Variants in HMMR observed in about 807,000 individuals in gnomAD.
HMMR encodes the protein intracellular hyaluronic acid-binding protein.
A neutral mutation model predicts 101.0 loss-of-function variants in HMMR; 108 were observed. That is an observed-to-expected ratio of 1.07 (90% CI 0.92 to 1.25). The LOEUF is 1.25. HMMR is among the 50% of genes most tolerant of loss of function. HMMR has a pLI of 0.00. For synonymous variants in HMMR, 296 were observed against 276.4 expected (o/e 1.07, Z -0.70); for missense variants, 813 against 788.7 (o/e 1.03, Z -0.37).
intron 1 of HMMR, among the ~76,000 whole-genome samples, chr5:163,461,419 C>A (rs1238356833): frequency 2.6e-5 from 4 of 152,158 alleles, no homozygotes; most frequent in Non-Finnish European, 5.9e-5. Flanking sequence ...AACCCAGCCC[C>A]CATCGTGTGC....
In HMMR at chr5:163,467,713, A is replaced by G. The variant is rs148145643; in HGVS notation, c.238A>G (p.Lys80Glu). ...KSSESKKESQ[K>E]NDKDLKILEK... ...GGCTTTTAAACAGAAGGAATCTCAA[A>G]AGAATGATAAAGATTTGAAGATATT... Residue 80 changes from lysine to glutamate, a missense_variant, in exon 4 of 18, where the codon AAG (lysine) becomes GAG (glutamate). Transcript: ENST00000393915. 3.9e-6 allele frequency: 6 copies of G among 1,532,272 alleles called. No homozygotes were observed. The highest frequency in any genetic ancestry group is 5.4e-6 in the Non-Finnish European group (6 of 1,109,384). 94.9% of individuals were successfully genotyped at this position (1,532,272 alleles called of 1,614,324 possible).
At chr5:163,462,872 G>A (rs10076669) in intron 1 of HMMR, among the ~76,000 whole-genome samples, 12,870 of 146,856 alleles carry the variant, frequency 0.088, 752 homozygotes, top group African/African-American at 0.18. Flanking sequence ...CCTGTCTACT[G>A]TTTGACAAAC....
At position 163,473,231 on chromosome 5, in the gene HMMR, T is replaced by C. The variant is rs759705303; in HGVS notation, c.703T>C (p.Leu235=). 6.3e-7 allele frequency: 1 copy of C among 1,578,290 alleles called. No individual in the cohort carries two copies. Among genetic ancestry groups the C allele is most frequent in the Non-Finnish European group, 8.7e-7 (1 of 1,150,240 alleles). ...IDEKSETEKL[L]EYIEEISCAS... is the part of the protein sequence containing the mutation. Reference sequence around the variant, plus strand: ...TGAAAAATCTGAAACAGAAAAACTCTTGGAATACATCGAAGAAATTAGGTA... The same window carrying C: ...TGAAAAATCTGAAACAGAAAAACTCCTGGAATACATCGAAGAAATTAGGTA... Residue 235 remains leucine, a synonymous_variant, in exon 8 of 18, where the codon TTG becomes CTG. Transcript: ENST00000393915.
chr5:163,488,959 C>T (rs549490068), intron 16 of HMMR, among the ~76,000 whole-genome samples: 1 of 152,186 alleles, frequency 6.6e-6, no homozygotes, highest in Non-Finnish European at 1.5e-5. Context: ...CACCACTGTT[C>T]TTTAATGGTT....
chr5:163,467,715 G>T lies in HMMR; in HGVS notation c.240G>T (p.Lys80Asn). ...CTTTTAAACAGAAGGAATCTCAAAA[G>T]AATGATAAAGATTTGAAGATATTAG... ...KSSESKKESQKNDKDLKILEK... is the reference protein window; with the variant it reads ...KSSESKKESQNNDKDLKILEK... The change falls in exon 4 of 18, where the codon AAG becomes AAT. Residue 80 changes from lysine (K) to asparagine (N), a missense_variant. Transcript: ENST00000393915. The T allele has an allele frequency of 6.5e-7, 1 of 1,532,708 alleles. No individual in the cohort carries two copies. Among genetic ancestry groups the T allele is most frequent in the South Asian group, 1.1e-5 (1 of 88,424 alleles). 94.9% of individuals were successfully genotyped at this position (1,532,708 alleles called of 1,614,324 possible). A position where few individuals can be genotyped will look rare whatever the true frequency, so the allele number is the denominator to read the frequency against.
chr5:163,491,862 T>G lies in HMMR; in HGVS notation c.*698T>G, dbSNP rs1433093485. 6.6e-6 allele frequency: 1 copy of G among 152,236 alleles called. No homozygotes were observed. The highest frequency in any genetic ancestry group is 1.5e-5 in the Non-Finnish European group (1 of 68,032). 9.4% of individuals were successfully genotyped at this position (152,236 alleles called of 1,614,324 possible). A position where few individuals can be genotyped will look rare whatever the true frequency, so the allele number is the denominator to read the frequency against. ...TCTTCAGAGTTTGTCATATACTGCT[T>G]GTCATCTGCATGTCTACTCAGCATT... On this transcript the variant is annotated 3_prime_UTR_variant, in exon 18 of 18. Transcript: ENST00000393915.
intron 4 of HMMR, 119 bp from the exon 5 acceptor site, chr5:163,469,522 A>G: frequency 1.3e-6 from 1 of 754,968 alleles, no homozygotes; most frequent in Non-Finnish European, 2.3e-6. Context: ...TAGAATATCT[A>G]CAAGCATAAT....
intron 4 of HMMR, 33 bp downstream of exon 4, chr5:163,467,781 A>C: frequency 2.4e-6 from 3 of 1,257,748 alleles, no homozygotes; most frequent in Non-Finnish European, 3.5e-6. Context: ...TGAAAAGTAC[A>C]CATGATAGAA....
Position 163,471,483 on chromosome 5 carries a change from G to A in HMMR, c.650+20G>A. Reference sequence around the variant, plus strand: ...AAAACTGTAAGTGAGTGAATGTGAAGAGAAATTGTTAAGTGGAAGCAATTC... The same window carrying A: ...AAAACTGTAAGTGAGTGAATGTGAAAAGAAATTGTTAAGTGGAAGCAATTC... On this transcript the variant is annotated intron_variant, in intron 7 of 17. Transcript: ENST00000393915. 1 of 1,518,012 alleles carries A rather than the reference G, an allele frequency of 6.6e-7. No individual in the cohort carries two copies. The highest frequency in any genetic ancestry group is 9.1e-7 in the Non-Finnish European group (1 of 1,094,982). 94.0% of individuals were successfully genotyped at this position (1,518,012 alleles called of 1,614,324 possible). A position where few individuals can be genotyped will look rare whatever the true frequency, so the allele number is the denominator to read the frequency against.
chr5:163,462,407 T>C (rs193218566), intron 1 of HMMR, among the ~76,000 whole-genome samples: 35 of 151,728 alleles, frequency 2.3e-4, no homozygotes, highest in African/African-American at 8.2e-4. Context: ...TATTTCAACC[T>C]AAGATGTATT....
At chr5:163,461,274 G>A (rs1758522613) in intron 1 of HMMR, among the ~76,000 whole-genome samples, 2 of 152,138 alleles carry the variant, frequency 1.3e-5, no homozygotes, top group African/African-American at 4.8e-5. Context: ...CCGTACTAAG[G>A]CTTTACATCG....
rs998923984 is a variant in HMMR at position 163,490,285 on chromosome 5, T to C, written c.1963-105T>C. The C allele has an allele frequency of 4.4e-6, 3 of 682,922 alleles. No individual in the cohort carries two copies. The African/African-American group carries it at 5.5e-5, about 12-fold the overall frequency. 42.3% of individuals were successfully genotyped at this position (682,922 alleles called of 1,614,324 possible). On this transcript the variant is annotated intron_variant, in intron 16 of 17. Coordinates refer to ENST00000393915, the MANE Select transcript of HMMR (RefSeq NM_001142556.2). Reference sequence around the variant, plus strand: ...TAGTAGTGATTTTTGCTGTTGAGTGTGATAATACATAAACAACTTTGGAAT... The same window carrying C: ...TAGTAGTGATTTTTGCTGTTGAGTGCGATAATACATAAACAACTTTGGAAT...
chr5:163,479,887 TA>T, intron 12 of HMMR, among the ~76,000 whole-genome samples: 1 of 152,232 alleles, frequency 6.6e-6, no homozygotes, highest in African/African-American at 2.4e-5. Context: ...TCTCCTTAAA[TA>T]AAAAGTTTAT....
chr5:163,483,837 T>C (rs1759370209), intron 15 of HMMR, among the ~76,000 whole-genome samples: 1 of 152,144 alleles, frequency 6.6e-6, no homozygotes, highest in Admixed American at 6.5e-5. Flanking sequence ...CAGATAAAAC[T>C]GGCCAGCTGG....
At chr5:163,463,993 T>TA in intron 2 of HMMR, 39 bp downstream of exon 2, 2 of 659,152 alleles carry the variant, frequency 3.0e-6, no homozygotes, top group Non-Finnish European at 4.9e-6. Context: ...TATGTGATCT[T>TA]ATAAGTTTTA....
At chr5:163,485,402 C>T (rs1317617951) in intron 16 of HMMR, among the ~76,000 whole-genome samples, 1 of 152,176 alleles carries the variant, frequency 6.6e-6, no homozygotes, top group African/African-American at 2.4e-5. Flanking sequence ...ATCTCATTAA[C>T]TTAACTTGCA....
intron 12 of HMMR, among the ~76,000 whole-genome samples, chr5:163,482,205 C>T (rs904005294): frequency 3.9e-5 from 6 of 152,220 alleles, no homozygotes; most frequent in African/African-American, 1.2e-4. Context: ...GCATGAGCCA[C>T]CACGCCCAGC....
At chr5:163,486,725 A>G (rs979053696) in intron 16 of HMMR, among the ~76,000 whole-genome samples, 1 of 152,242 alleles carries the variant, frequency 6.6e-6, no homozygotes, top group African/African-American at 2.4e-5. Context: ...GAAAGCATTC[A>G]GTCTTTCTCC....
At chr5:163,486,523 G>A (rs1221191227) in intron 16 of HMMR, among the ~76,000 whole-genome samples, 3 of 152,066 alleles carry the variant, frequency 2.0e-5, no homozygotes, top group Non-Finnish European at 4.4e-5. Context: ...GTTTTTTAGT[G>A]GATTCCTTAG....
Sources: allele counts gnomAD v4.1 joint callset (sites outside exome capture counted in the v4.1 genomes callset), GRCh38; gene constraint gnomAD v4.1.1; transcripts MANE v1.5; gene names NCBI Gene and HGNC (gene_info 2026-07-23, HGNC 2026-07-21).